The following COQ6 variants were observed in gnomAD, a reference collection of about 807,000 sequenced individuals.
COQ6 encodes the protein ubiquinone biosynthesis monooxygenase COQ6, mitochondrial.
A neutral mutation model predicts 55.5 loss-of-function variants in COQ6; 45 were observed. That is an observed-to-expected ratio of 0.81 (90% CI 0.64 to 1.04). COQ6 has a LOEUF of 1.04. Ranked by LOEUF, COQ6 falls within the 50% of genes least tolerant of loss-of-function variation. COQ6 has a pLI of 0.00. For synonymous variants in COQ6, 206 were observed against 230.5 expected, an observed-to-expected ratio of 0.89 and a Z score of 0.96; for missense variants, 550 against 601.3, an observed-to-expected ratio of 0.91 and a Z score of 0.89.
chr14:73,950,522 G>T, intron 1 of COQ6, 27 bp downstream of exon 1: 1 of 1,581,880 alleles, frequency 6.3e-7, no homozygotes, highest in Admixed American at 1.8e-5. Context: ...GCTACTAGTG[G>T]CCGGAAACCG....
rs753596080 is a variant in COQ6, at chr14:73,958,404, G to A, written c.612+127G>A. On this transcript the variant is annotated intron_variant, in intron 5 of 11. Coordinates refer to ENST00000334571, the MANE Select transcript of COQ6 (RefSeq NM_182476.3). ...GCAAAACTTTTGGTTATGAGGACCAGTACCTATTCAGGCCAGCTCAAGTGG... is the reference window on the plus strand; with the variant it reads ...GCAAAACTTTTGGTTATGAGGACCAATACCTATTCAGGCCAGCTCAAGTGG... 2.0e-6 allele frequency: 3 copies of A among 1,537,850 alleles called. No homozygotes were observed. The South Asian group carries it at 3.5e-5, about 18-fold the overall frequency.
intron 11 of COQ6, chr14:73,962,561 GAA>G (rs141459361): frequency 2.3e-5 from 4 of 173,558 alleles, no homozygotes; most frequent in Non-Finnish European, 4.8e-5. Context: ...CCAGTCTCTT[GAA>G]AAAAAAAAAT....
At chr14:73,953,924 C>A (rs2056300043) in intron 2 of COQ6, 2 of 344,856 alleles carry the variant, frequency 5.8e-6, no homozygotes, top group South Asian at 5.8e-5. Flanking sequence ...AGCCTTCTAG[C>A]AAGCTAGGGA....
At chr14:73,962,245 C>T (rs1319268131) in intron 11 of COQ6, among the ~76,000 whole-genome samples, 1 of 151,998 alleles carries the variant, frequency 6.6e-6, no homozygotes, top group Non-Finnish European at 1.5e-5. Context: ...TGCGGCTGGC[C>T]CACAGCTCTT....
At position 73,963,136 on chromosome 14, in the gene COQ6, T is replaced by G; in HGVS notation, c.*137T>G. 2.5e-6 allele frequency: 2 copies of G among 792,074 alleles called. No homozygotes were observed. The highest frequency in any genetic ancestry group is 4.4e-6 in the Non-Finnish European group (2 of 458,122). The allele number at this position is 792,074 out of a possible 1,614,324, so 49.1% of individuals were successfully genotyped here. On this transcript the variant is annotated 3_prime_UTR_variant, in exon 12 of 12. Transcript: ENST00000334571. ...AATTCTCTTTTTCTTCTTTGCTTAA[T>G]GGGCCTGTGGCACCCAAATAATGAA...
intron 5 of COQ6, chr14:73,958,498 A>G (rs1594802327): frequency 7.3e-7 from 1 of 1,377,140 alleles, no homozygotes; most frequent in East Asian, 3.1e-5. Context: ...GAAATAACAG[A>G]TAGCTGGGCC....
At chr14:73,957,854 C>G (rs923773921) in intron 4 of COQ6, among the ~76,000 whole-genome samples, 5 of 152,138 alleles carry the variant, frequency 3.3e-5, no homozygotes, top group Admixed American at 6.6e-5. Flanking sequence ...AAAGCAAACA[C>G]GGGCTCATTT....
At position 73,955,924 on chromosome 14, in the gene COQ6, G is replaced by C; in HGVS notation, c.477G>C (p.Val159=). The C allele has an allele frequency of 6.2e-7, 1 of 1,614,068 alleles. No individual in the cohort carries two copies. The highest frequency in any genetic ancestry group is 8.5e-7 in the Non-Finnish European group (1 of 1,180,030). The change falls in exon 4 of 12, where the codon GTG becomes GTC. Residue 159 remains valine, a synonymous_variant. Transcript: ENST00000334571. ...CTCTCACTAAGCAGTTGGAGGCTGTGTCTGGTGAGGCCCCCATCTTCCACC... is the reference window on the plus strand; with the variant it reads ...CTCTCACTAAGCAGTTGGAGGCTGTCTCTGGTGAGGCCCCCATCTTCCACC... ...MHALTKQLEA[V]SDRVTVLYRS... is the part of the protein sequence containing the mutation.
intron 4 of COQ6, chr14:73,956,200 C>T (rs1269694260): frequency 1.6e-4 from 60 of 375,222 alleles, no homozygotes; most frequent in Admixed American, 1.2e-3. Flanking sequence ...TGGTGGCGGG[C>T]GCCTATAGAC....
intron 4 of COQ6, 69 bp downstream of exon 4, chr14:73,955,997 A>G (rs751093818): frequency 6.2e-7 from 1 of 1,602,328 alleles, no homozygotes; most frequent in Non-Finnish European, 8.5e-7. Context: ...GGAAGAAAGG[A>G]TCTCTTTTAC....
chr14:73,949,946 C>CG, upstream of COQ6: 1 of 1,612,280 alleles, frequency 6.2e-7, no homozygotes, highest in Non-Finnish European at 8.5e-7. Flanking sequence ...ATTCCTTTCC[C>CG]GGGGGCAGTC....
intron 2 of COQ6, among the ~76,000 whole-genome samples, chr14:73,954,936 C>CTTTTTTTTTT (rs35787543): frequency 7.9e-6 from 1 of 126,180 alleles, no homozygotes; most frequent in African/African-American, 2.9e-5. Flanking sequence ...GAAGCTGAGT[C>CTTTTTTTTTT]TTTTTTTTTT....
In COQ6 at chr14:73,960,703, G is replaced by A. The variant is rs115579294; in HGVS notation, c.892-470G>A. 8.0e-3 allele frequency: 4,731 copies of A among 591,122 alleles called. 50 individuals carry two copies. Among genetic ancestry groups the A allele is most frequent in the Middle Eastern group, 0.032 (43 of 1,362 alleles). 36.6% of individuals were successfully genotyped at this position (591,122 alleles called of 1,614,324 possible). ...AGGAAGACCGTAAATGACAATCTCC[G>A]TACAGTGATAGAAGTATGCATAGGA... On this transcript the variant is annotated intron_variant, in intron 8 of 11. Coordinates refer to ENST00000334571, the MANE Select transcript of COQ6 (RefSeq NM_182476.3).
chr14:73,957,208 C>G (rs1163735948), intron 4 of COQ6, among the ~76,000 whole-genome samples: 1 of 152,032 alleles, frequency 6.6e-6, no homozygotes, highest in Non-Finnish European at 1.5e-5. Flanking sequence ...CACCATTCTC[C>G]TGCCTCAGCC....
chr14:73,951,837 G>C (rs1404511563), intron 1 of COQ6, among the ~76,000 whole-genome samples: 1 of 151,236 alleles, frequency 6.6e-6, no homozygotes, highest in Admixed American at 6.6e-5. Flanking sequence ...GCAGATCATA[G>C]ACTTCTGTAA....
At chr14:73,952,622 C>G (rs1377595419) in intron 1 of COQ6, among the ~76,000 whole-genome samples, 2 of 151,992 alleles carry the variant, frequency 1.3e-5, no homozygotes, top group African/African-American at 4.8e-5. Flanking sequence ...ATCCTCCCAC[C>G]TCGGCCTCCC....
intron 2 of COQ6, among the ~76,000 whole-genome samples, chr14:73,954,843 C>CAAAAAA (rs1216623718): frequency 1.8e-5 from 1 of 56,312 alleles, no homozygotes; most frequent in Non-Finnish European, 3.5e-5. Flanking sequence ...GATTCCGTCT[C>CAAAAAA]AAAAAAAAAA....
intron 4 of COQ6, 107 bp from the exon 5 acceptor site, chr14:73,958,040 C>T (rs367949902): frequency 1.6e-4 from 137 of 877,282 alleles, no homozygotes; most frequent in East Asian, 1.4e-3. Context: ...TCTTAAATGA[C>T]AAGACACTGC....
intron 1 of COQ6, among the ~76,000 whole-genome samples, chr14:73,951,273 G>A (rs1267921401): frequency 6.6e-6 from 1 of 152,068 alleles, no homozygotes; most frequent in African/African-American, 2.4e-5. Flanking sequence ...TGGGATTACC[G>A]GCATAAGCAA....
Sources: gnomAD v4.1 joint callset for allele counts (sites outside exome capture counted in the v4.1 genomes callset) on GRCh38, gnomAD v4.1.1 for gene constraint, MANE v1.5 for transcripts, NCBI Gene and HGNC (gene_info 2026-07-23, HGNC 2026-07-21) for gene names.